The following CTNNA2 variants were observed in gnomAD, a reference collection of about 807,000 sequenced individuals.
The protein encoded by CTNNA2 is catenin alpha 2, also known as catenin alpha-2.
Under a neutral mutation model 101.0 loss-of-function variants are expected in CTNNA2, and 42 were observed. The observed-to-expected ratio is 0.42, with a 90% confidence interval of 0.32 to 0.54. The LOEUF (loss-of-function observed/expected upper bound fraction) is 0.54. CTNNA2 is among the 20% of genes least tolerant of loss of function. The pLI, the probability that CTNNA2 is intolerant of heterozygous loss-of-function variation, is 0.14. For synonymous variants in CTNNA2, 450 were observed against 456.4 expected (o/e 0.99, Z 0.18); for missense variants, 871 against 1,223.1 (o/e 0.71, Z 4.29).
chr2:79,348,890 G>C (rs529260648), intron 3 of CTNNA2, among the ~76,000 whole-genome samples: 1 of 152,084 alleles, frequency 6.6e-6, no homozygotes, highest in East Asian at 1.9e-4. Context: ...TAAATACAAA[G>C]CAGTTCATTG....
At chr2:80,499,789 C>G (rs778569595) in intron 9 of CTNNA2, among the ~76,000 whole-genome samples, 6 of 152,066 alleles carry the variant, frequency 3.9e-5, no homozygotes, top group Non-Finnish European at 7.4e-5. Flanking sequence ...CCACTACACT[C>G]CAGCCTGGGT....
intron 4 of CTNNA2, among the ~76,000 whole-genome samples, chr2:79,444,854 C>T (rs1389579655): frequency 2.0e-5 from 3 of 152,096 alleles, no homozygotes; most frequent in South Asian, 2.1e-4. Flanking sequence ...TTTTGCTTAC[C>T]CCTGTGTCAG....
intron 12 of CTNNA2, among the ~76,000 whole-genome samples, chr2:80,567,798 T>C (rs1483114861): frequency 6.6e-6 from 1 of 152,160 alleles, no homozygotes; most frequent in African/African-American, 2.4e-5. Context: ...GAGGATATTG[T>C]ACTAATTCCT....
chr2:79,369,328 A>T (rs576755319), intron 3 of CTNNA2, among the ~76,000 whole-genome samples: 2 of 152,152 alleles, frequency 1.3e-5, no homozygotes, highest in Non-Finnish European at 2.9e-5. Flanking sequence ...TTCCTCAAGA[A>T]CATGCACACT....
At chr2:79,273,455 C>A (rs934234937) in intron 2 of CTNNA2, among the ~76,000 whole-genome samples, 10 of 152,022 alleles carry the variant, frequency 6.6e-5, no homozygotes, top group Admixed American at 6.6e-4. Flanking sequence ...ACTTTGGAAA[C>A]AAAGAGATCA....
At chr2:79,335,068 C>T (rs890702997) in intron 3 of CTNNA2, among the ~76,000 whole-genome samples, 1 of 152,158 alleles carries the variant, frequency 6.6e-6, no homozygotes. Flanking sequence ...TACTTCTTCC[C>T]CTGTTTAGTT....
intron 8 of CTNNA2, among the ~76,000 whole-genome samples, chr2:80,410,052 G>C (rs1679427211): frequency 6.6e-6 from 1 of 152,158 alleles, no homozygotes; most frequent in Admixed American, 6.5e-5. Flanking sequence ...TAGTTGACTG[G>C]GGAGAGATAT....
At chr2:79,379,158 A>AT (rs1678012328) in intron 4 of CTNNA2, among the ~76,000 whole-genome samples, 1 of 152,236 alleles carries the variant, frequency 6.6e-6, no homozygotes, top group African/African-American at 2.4e-5. Context: ...TTTTCTACAT[A>AT]TACCTGTAAC....
chr2:79,489,140 A>G lies in CTNNA2; in HGVS notation c.-134-15914A>G, dbSNP rs540329347. On this transcript the variant is annotated intron_variant, in intron 4 of 21. Transcript: ENST00000466387. ...TCCTATTGTTCTCTTAAACATAATC[A>G]TGTTTACTTGGTCCCTTTCATTCCC... Among the ~76,000 whole-genome samples, 3 of 152,044 alleles carry G rather than the reference A, an allele frequency of 2.0e-5. No homozygotes were observed. The East Asian group carries it at 5.8e-4, about 30-fold the overall frequency.
intron 1 of CTNNA2, among the ~76,000 whole-genome samples, chr2:79,621,997 G>A (rs536343162): frequency 3.0e-4 from 46 of 152,172 alleles, no homozygotes; most frequent in Non-Finnish European, 6.8e-4. Flanking sequence ...GCCTTCGGAA[G>A]CCTGAGGAGA....
intron 7 of CTNNA2, among the ~76,000 whole-genome samples, chr2:79,944,891 T>G (rs77329990): frequency 1.0e-5 from 1 of 97,734 alleles, no homozygotes; most frequent in South Asian, 2.8e-4. Flanking sequence ...TATGAACACA[T>G]GTTTCATATA....
intron 3 of CTNNA2, among the ~76,000 whole-genome samples, chr2:79,756,797 T>C (rs1672431060): frequency 6.6e-6 from 1 of 152,188 alleles, no homozygotes; most frequent in Non-Finnish European, 1.5e-5. Flanking sequence ...GACATGCAGA[T>C]GGCAAATAAG....
intron 2 of CTNNA2, among the ~76,000 whole-genome samples, chr2:79,311,033 T>A (rs1218421787): frequency 6.6e-6 from 1 of 152,162 alleles, no homozygotes; most frequent in Non-Finnish European, 1.5e-5. Flanking sequence ...AATTATAACT[T>A]GCATATGTTG....
chr2:79,314,247 G>A (rs1187390963), intron 3 of CTNNA2, among the ~76,000 whole-genome samples: 5 of 152,124 alleles, frequency 3.3e-5, no homozygotes, highest in Admixed American at 6.5e-5. Context: ...GCATTCCCCA[G>A]AGGAGAGAAC....
intron 3 of CTNNA2, among the ~76,000 whole-genome samples, chr2:79,854,703 G>A: frequency 6.6e-6 from 1 of 152,122 alleles, no homozygotes; most frequent in East Asian, 1.9e-4. Flanking sequence ...GGTTGTAGTG[G>A]CTAGAGGACA....
intron 15 of CTNNA2, among the ~76,000 whole-genome samples, 167 bp downstream of exon 15, chr2:80,589,652 C>T (rs910419062): frequency 6.6e-6 from 1 of 152,124 alleles, no homozygotes; most frequent in Non-Finnish European, 1.5e-5. Context: ...TAATTCCTAG[C>T]AGATAGGTAT....
At chr2:80,337,618 T>TAC (rs941917361) in intron 7 of CTNNA2, among the ~76,000 whole-genome samples, 5 of 151,378 alleles carry the variant, frequency 3.3e-5, no homozygotes, top group African/African-American at 9.7e-5. Context: ...CACACACAAA[T>TAC]ACACACACAC....
At chr2:80,522,568 C>T (rs1273823520) in intron 9 of CTNNA2, among the ~76,000 whole-genome samples, 3 of 152,036 alleles carry the variant, frequency 2.0e-5, no homozygotes, top group Non-Finnish European at 4.4e-5. Context: ...TTTTTGTCCC[C>T]GCCCAAATCT....
intron 7 of CTNNA2, among the ~76,000 whole-genome samples, chr2:80,227,263 A>T (rs1428779006): frequency 6.6e-6 from 1 of 152,230 alleles, no homozygotes; most frequent in East Asian, 1.9e-4. Flanking sequence ...TCATGAAATA[A>T]TAATAAGCAC....
Sources: gnomAD v4.1 joint callset for allele counts (sites outside exome capture counted in the v4.1 genomes callset) on GRCh38, gnomAD v4.1.1 for gene constraint, MANE v1.5 for transcripts, NCBI Gene and HGNC (gene_info 2026-07-23, HGNC 2026-07-21) for gene names.